The following ANOS1 variants were observed in gnomAD, a reference collection of about 807,000 sequenced individuals.
ANOS1 encodes the protein anosmin 1, also known as anosmin-1.
ANOS1 carries 6 observed loss-of-function variants against 59.0 expected under a neutral mutation model. The observed-to-expected ratio is 0.10, with a 90% CI of 0.06 to 0.20. The LOEUF (loss-of-function observed/expected upper bound fraction) is 0.20, where lower values mean the gene tolerates loss of function less well. Ranked by LOEUF, ANOS1 falls within the 10% of genes least tolerant of loss-of-function variation. The pLI, the probability that ANOS1 is intolerant of heterozygous loss-of-function variation, is 1.00. For missense variants in ANOS1, 433 were observed against 542.3 expected, an observed-to-expected ratio of 0.80 and a Z score of 2.00; for synonymous variants, 217 against 223.4, an observed-to-expected ratio of 0.97 and a Z score of 0.25.
chrX:8,628,767 T>C (rs1931437686), intron 2 of ANOS1, among the ~76,000 whole-genome samples: 1 of 112,445 alleles, frequency 8.9e-6, no homozygotes, highest in South Asian at 3.6e-4. Flanking sequence ...TCAATTCCAA[T>C]GAAGAAACAC....
intron 8 of ANOS1, 148 bp from the exon 9 acceptor site, chrX:8,554,246 C>A (rs961792723): frequency 4.0e-6 from 2 of 506,159 alleles, no homozygotes; most frequent in African/African-American, 2.4e-5. Context: ...AACGGAGGTA[C>A]CGGCTCATCT....
At chrX:8,693,300 T>C (rs1932633867) in intron 2 of ANOS1, among the ~76,000 whole-genome samples, 1 of 111,797 alleles carries the variant, frequency 8.9e-6, no homozygotes, top group Non-Finnish European at 1.9e-5. Context: ...AGAATTCTTC[T>C]CTCCATCCTT....
chrX:8,584,860 G>T (rs1484157582), intron 6 of ANOS1, among the ~76,000 whole-genome samples: 1 of 111,749 alleles, frequency 8.9e-6, no homozygotes, highest in Non-Finnish European at 1.9e-5. Context: ...GCAAACGTAG[G>T]AGTCAAATTC....
At chrX:8,720,688 G>A (rs1433608025) in intron 1 of ANOS1, among the ~76,000 whole-genome samples, 1 of 111,136 alleles carries the variant, frequency 9.0e-6, no homozygotes, top group Non-Finnish European at 1.9e-5. Flanking sequence ...AATCACTGGA[G>A]GCCAGGAGTT....
chrX:8,642,748 G>A lies in ANOS1; in HGVS notation c.256-19078C>T, dbSNP rs988937066. 1.1e-4 allele frequency among the ~76,000 whole-genome samples: 12 copies of A among 111,215 alleles called. 1 individual carries two copies. The highest frequency in any genetic ancestry group is 1.1e-3 in the Admixed American group (11 of 10,411). On this transcript the variant is annotated intron_variant, in intron 2 of 13. Coordinates refer to ENST00000262648, the MANE Select transcript of ANOS1 (RefSeq NM_000216.4). The stretch of plus-strand genomic sequence containing the variant: ...CATGGATCGGTATCTCTTAAAGTGT[G>A]GGTTTGGTCCTCCCCTCTCCCACAC...
At chrX:8,552,077 T>C (rs373086030) in intron 9 of ANOS1, among the ~76,000 whole-genome samples, 1 of 112,050 alleles carries the variant, frequency 8.9e-6, no homozygotes, top group East Asian at 2.8e-4. Flanking sequence ...GAAATCCAAT[T>C]GTCAGTAAAA....
At chrX:8,557,914 G>A (rs1300909308) in intron 8 of ANOS1, among the ~76,000 whole-genome samples, 1 of 111,696 alleles carries the variant, frequency 9.0e-6, no homozygotes, top group Non-Finnish European at 1.9e-5. Context: ...GCAAAGACTT[G>A]GTGCCAACCC....
chrX:8,668,430 T>TATATATATACACACAC (rs1394731479), intron 2 of ANOS1, among the ~76,000 whole-genome samples: 2 of 80,258 alleles, frequency 2.5e-5, no homozygotes, highest in African/African-American at 9.9e-5. Context: ...TATATATATA[T>TATATATATACACACAC]ACACACACAT....
At chrX:8,604,458 A>T (rs929458680) in intron 3 of ANOS1, among the ~76,000 whole-genome samples, 1 of 112,288 alleles carries the variant, frequency 8.9e-6, no homozygotes, top group African/African-American at 3.2e-5. Context: ...AAATAACCTG[A>T]ATATTCAAAA....
At chrX:8,640,631 GTTTT>G (rs1293138238) in intron 2 of ANOS1, among the ~76,000 whole-genome samples, 1 of 100,272 alleles carries the variant, frequency 1.0e-5, no homozygotes, top group African/African-American at 3.7e-5. Flanking sequence ...CGCATTTCTT[GTTTT>G]TTTTTTCTCT....
chrX:8,583,924 A>T (rs1601964473), intron 6 of ANOS1, among the ~76,000 whole-genome samples: 2 of 111,694 alleles, frequency 1.8e-5, no homozygotes, highest in East Asian at 5.7e-4. Context: ...TGGGGCTGTC[A>T]CAGGATTTCT....
chrX:8,660,724 C>T (rs192052365), intron 2 of ANOS1, among the ~76,000 whole-genome samples: 5 of 111,989 alleles, frequency 4.5e-5, no homozygotes, highest in South Asian at 3.7e-4. Flanking sequence ...TGCATACATG[C>T]CCTAAAGAAT....
chrX:8,592,328 T>G (rs12557839), intron 4 of ANOS1, among the ~76,000 whole-genome samples: 6,784 of 111,711 alleles, frequency 0.061, 203 homozygotes, highest in Admixed American at 0.12. Context: ...TAAATCTATT[T>G]CCAGAGGTCT....
intron 2 of ANOS1, among the ~76,000 whole-genome samples, chrX:8,638,486 T>A (rs1276733443): frequency 8.9e-6 from 1 of 112,004 alleles, no homozygotes; most frequent in Non-Finnish European, 1.9e-5. Flanking sequence ...TGCTTTGACC[T>A]TAGAATATGA....
chrX:8,627,789 A>G (rs2146849701), intron 2 of ANOS1, among the ~76,000 whole-genome samples: 1 of 109,855 alleles, frequency 9.1e-6, no homozygotes, highest in East Asian at 2.9e-4. Context: ...ACAATGACAC[A>G]CTTTCTCTCA....
intron 10 of ANOS1, among the ~76,000 whole-genome samples, chrX:8,538,803 A>G (rs1295224112): frequency 1.8e-5 from 2 of 112,280 alleles, no homozygotes; most frequent in East Asian, 5.6e-4. Context: ...GAATCTGTGT[A>G]TTTCTGAAAA....
rs952376462 is a variant in ANOS1, at chrX:8,585,445, G to A, written c.727-49C>T. ...CAGGGAACATGTCACTTTTTATTCC[G>A]ACATGTTAGTTGGATCTGTTTAGAA... is the stretch of plus-strand genomic sequence containing the variant. On this transcript the variant is annotated intron_variant, in intron 5 of 13. Transcript: ENST00000262648. The A allele has an allele frequency of 1.9e-5, 22 of 1,188,327 alleles. 1 individual carries two copies. Among genetic ancestry groups the A allele is most frequent in the Middle Eastern group, 4.6e-4 (2 of 4,313 alleles).
chrX:8,613,493 T>C (rs891946430), intron 3 of ANOS1, among the ~76,000 whole-genome samples: 1 of 111,601 alleles, frequency 9.0e-6, no homozygotes, highest in African/African-American at 3.3e-5. Context: ...CCCAAAATGC[T>C]GGTATTACAG....
intron 2 of ANOS1, among the ~76,000 whole-genome samples, chrX:8,648,700 C>A (rs1931802308): frequency 9.0e-6 from 1 of 111,667 alleles, no homozygotes; most frequent in African/African-American, 3.3e-5. Context: ...AAAGTAATAT[C>A]ATAGAAATTA....
Sources: gnomAD v4.1 joint callset for allele counts (sites outside exome capture counted in the v4.1 genomes callset) on GRCh38, gnomAD v4.1.1 for gene constraint, MANE v1.5 for transcripts, NCBI Gene and HGNC (gene_info 2026-07-23, HGNC 2026-07-21) for gene names.